Variants in GPR149 observed in about 807,000 individuals in gnomAD.
The protein encoded by GPR149 is probable G protein-coupled receptor 149.
GPR149 carries 50 observed loss-of-function variants against 50.2 expected under a neutral mutation model. The observed-to-expected ratio is 1.00, with a 90% CI of 0.79 to 1.26. The LOEUF (loss-of-function observed/expected upper bound fraction) is 1.26, where lower values mean the gene tolerates loss of function less well. Ranked by LOEUF, GPR149 falls within the 50% of genes most tolerant of loss-of-function variation. GPR149 has a pLI of 0.00. For synonymous variants in GPR149, 405 were observed against 358.2 expected (o/e 1.13, Z -1.48); for missense variants, 983 against 895.4 (o/e 1.10, Z -1.25).
chr3:154,375,469 T>G (rs1016964058), intron 3 of GPR149, among the ~76,000 whole-genome samples: 2 of 152,218 alleles, frequency 1.3e-5, no homozygotes, highest in African/African-American at 4.8e-5. Context: ...ACATTATTTT[T>G]ACCAGAGGAC....
intron 3 of GPR149, among the ~76,000 whole-genome samples, chr3:154,340,879 A>T (rs1409248262): frequency 6.6e-6 from 1 of 152,024 alleles, no homozygotes; most frequent in Non-Finnish European, 1.5e-5. Context: ...GTGCCACCAC[A>T]CCTGGCTAGT....
chr3:154,389,884 G>C (rs1026916244), intron 3 of GPR149, among the ~76,000 whole-genome samples: 1 of 152,168 alleles, frequency 6.6e-6, no homozygotes, highest in African/African-American at 2.4e-5. Context: ...TGTTTGGGTA[G>C]GAAAAATCCT....
intron 3 of GPR149, among the ~76,000 whole-genome samples, chr3:154,399,986 T>C (rs1158523764): frequency 1.3e-5 from 2 of 152,172 alleles, no homozygotes; most frequent in Non-Finnish European, 2.9e-5. Flanking sequence ...TTTGAAATTA[T>C]TATTATTATT....
chr3:154,426,879 T>C (rs1576933669), intron 2 of GPR149, among the ~76,000 whole-genome samples: 1 of 39,838 alleles, frequency 2.5e-5, no homozygotes, highest in Non-Finnish European at 6.5e-5. Context: ...GGCGTGTGTG[T>C]GTGTGTGTGT....
intron 3 of GPR149, among the ~76,000 whole-genome samples, chr3:154,373,593 G>A (rs186570578): frequency 1.3e-5 from 2 of 152,286 alleles, no homozygotes; most frequent in African/African-American, 4.8e-5. Flanking sequence ...GTCATCAGAT[G>A]TTTTTGTTCA....
chr3:154,352,318 G>T (rs1192482056), intron 3 of GPR149: 10 of 968,064 alleles, frequency 1.0e-5, no homozygotes, highest in African/African-American at 1.6e-5. Flanking sequence ...CCATTCCTCC[G>T]TTGGGGATTA....
intron 2 of GPR149, 62 bp downstream of exon 2, chr3:154,427,454 C>T (rs1429034933): frequency 2.0e-6 from 3 of 1,467,586 alleles, no homozygotes; most frequent in East Asian, 4.6e-5. Flanking sequence ...TGTTAATAGA[C>T]CACTTTTCTG....
Position 154,429,164 on chromosome 3 carries a change from A to G in GPR149, c.452T>C (p.Leu151Pro). The change falls in exon 1 of 4, where the codon CTC becomes CCC. Residue 151 changes from leucine to proline, a missense_variant. Transcript: ENST00000389740. ...QTASRRSGQV[L>P]GVVLTVWAAS... is the part of the protein sequence containing the mutation. ...TGCCCACACGGTCAGCACCACGCCGAGCACCTGGCCCGATCTTCTGGAGGC... is the reference window on the plus strand; with the variant it reads ...TGCCCACACGGTCAGCACCACGCCGGGCACCTGGCCCGATCTTCTGGAGGC... The G allele has an allele frequency of 6.2e-7, 1 of 1,613,870 alleles. No homozygotes were observed. Among genetic ancestry groups the G allele is most frequent in the Non-Finnish European group, 8.5e-7 (1 of 1,179,930 alleles).
At chr3:154,362,288 CAAA>C (rs34401689) in intron 3 of GPR149, among the ~76,000 whole-genome samples, 1 of 94,594 alleles carries the variant, frequency 1.1e-5, no homozygotes. Flanking sequence ...GACTCCGTCT[CAAA>C]AAAAAAAAAA....
chr3:154,338,459 A>G (rs1319106916), intron 3 of GPR149, among the ~76,000 whole-genome samples, 188 bp from the exon 4 acceptor site: 1 of 152,190 alleles, frequency 6.6e-6, no homozygotes, highest in African/African-American at 2.4e-5. Flanking sequence ...CCTAGGCCAA[A>G]TCAGACATTT....
At chr3:154,385,518 G>A (rs775001520) in intron 3 of GPR149, among the ~76,000 whole-genome samples, 11 of 152,048 alleles carry the variant, frequency 7.2e-5, no homozygotes, top group Non-Finnish European at 1.5e-4. Context: ...TGACACTCTG[G>A]GTAGGATGTT....
At chr3:154,389,704 T>C (rs931643872) in intron 3 of GPR149, among the ~76,000 whole-genome samples, 2 of 152,084 alleles carry the variant, frequency 1.3e-5, no homozygotes, top group African/African-American at 4.8e-5. Context: ...AATCCAATGC[T>C]CTAATATTTT....
chr3:154,394,929 T>A (rs1280512357), intron 3 of GPR149, among the ~76,000 whole-genome samples: 1 of 152,178 alleles, frequency 6.6e-6, no homozygotes, highest in Non-Finnish European at 1.5e-5. Flanking sequence ...ATTCCAACTG[T>A]TAGTAGCTTC....
intron 3 of GPR149, chr3:154,353,800 G>A (rs1714147405): frequency 1.4e-6 from 1 of 697,520 alleles, no homozygotes; most frequent in African/African-American, 1.8e-5. Context: ...CCATGCTCGA[G>A]CTATTAAATC....
intron 3 of GPR149, among the ~76,000 whole-genome samples, chr3:154,372,120 G>A (rs570493343): frequency 7.3e-6 from 1 of 136,162 alleles, no homozygotes; most frequent in African/African-American, 2.7e-5. Context: ...CAGCAGTTGG[G>A]GTGTCCTGTC....
chr3:154,393,023 A>G (rs906324234), intron 3 of GPR149, among the ~76,000 whole-genome samples: 2 of 152,180 alleles, frequency 1.3e-5, no homozygotes, highest in Middle Eastern at 3.4e-3. Flanking sequence ...ATTAATGCCA[A>G]TTCTTCTCAA....
chr3:154,382,792 A>G (rs561954227), intron 3 of GPR149, among the ~76,000 whole-genome samples: 10 of 152,186 alleles, frequency 6.6e-5, no homozygotes, highest in Non-Finnish European at 1.3e-4. Context: ...TTAATTTAAT[A>G]TACTCAAATT....
chr3:154,357,204 T>C (rs1435936542), intron 3 of GPR149, among the ~76,000 whole-genome samples: 1 of 152,068 alleles, frequency 6.6e-6, no homozygotes, highest in Non-Finnish European at 1.5e-5. Flanking sequence ...AAGACTTAAA[T>C]GTTAGACCTG....
intron 1 of GPR149, 110 bp downstream of exon 1, chr3:154,428,525 A>T (rs542084672): frequency 9.9e-5 from 119 of 1,199,386 alleles, no homozygotes; most frequent in Non-Finnish European, 1.3e-4. Context: ...TTGGAAGCGG[A>T]CTTCACTGTG....
Sources: gnomAD v4.1 joint callset for allele counts (sites outside exome capture counted in the v4.1 genomes callset) on GRCh38, gnomAD v4.1.1 for gene constraint, MANE v1.5 for transcripts, NCBI Gene and HGNC (gene_info 2026-07-23, HGNC 2026-07-21) for gene names.